The following TFEB variants were observed in gnomAD, a reference collection of about 807,000 sequenced individuals.
TFEB encodes T-cell transcription factor EB.
TFEB carries 12 observed loss-of-function variants against 48.0 expected under a neutral mutation model. The ratio of observed to expected loss-of-function variants is 0.25; its 90% CI spans 0.16 to 0.40. TFEB has a LOEUF of 0.40. Among genes scored for constraint, TFEB ranks in the 10% least tolerant of loss-of-function variants. The pLI, the probability that TFEB is intolerant of heterozygous loss-of-function variation, is 1.00. For missense variants in TFEB, 509 were observed against 640.3 expected, an observed-to-expected ratio of 0.79 and a Z score of 2.21; for synonymous variants, 244 against 261.4, an observed-to-expected ratio of 0.93 and a Z score of 0.64.
At chr6:41,727,120 C>T (rs1158293926) in intron 1 of TFEB, among the ~76,000 whole-genome samples, 2 of 152,148 alleles carry the variant, frequency 1.3e-5, no homozygotes, top group Admixed American at 6.5e-5. Context: ...TAGGGGGTTG[C>T]GTCAGGCTGG....
At chr6:41,731,418 T>C (rs1426559212) in intron 1 of TFEB, among the ~76,000 whole-genome samples, 1 of 152,196 alleles carries the variant, frequency 6.6e-6, no homozygotes, top group Non-Finnish European at 1.5e-5. Context: ...GACCAGTCTT[T>C]AGCTAAAGCT....
chr6:41,705,885 C>T (rs1465095340), intron 1 of TFEB: 1 of 152,288 alleles, frequency 6.6e-6, no homozygotes, highest in Non-Finnish European at 1.5e-5. Flanking sequence ...TCCCTCCCAA[C>T]CCTCAGATTC....
chr6:41,709,878 C>T (rs192927518), intron 1 of TFEB, among the ~76,000 whole-genome samples: 17 of 152,144 alleles, frequency 1.1e-4, no homozygotes, highest in Non-Finnish European at 2.2e-4. Flanking sequence ...CTTCACCCTT[C>T]CAGGCTCAAA....
At chr6:41,713,497 A>G (rs1235385817) in intron 1 of TFEB, among the ~76,000 whole-genome samples, 2 of 152,122 alleles carry the variant, frequency 1.3e-5, no homozygotes, top group Admixed American at 1.3e-4. Flanking sequence ...ACTCACTCTT[A>G]TAGCTGTAGG....
rs1205080594 is a variant in TFEB, at chr6:41,724,967, C to T, written c.-23+10383G>A. Among the ~76,000 whole-genome samples the T allele has an allele frequency of 6.6e-6, 1 of 152,230 alleles. No individual in the cohort carries two copies. The highest frequency in any genetic ancestry group is 1.5e-5 in the Non-Finnish European group (1 of 68,038). ...TGGCTCTACTGGAACGCAACAGCCACAAGGCCCCTTTGCAGGGACGCCTCC... is the reference window on the plus strand; with the variant it reads ...TGGCTCTACTGGAACGCAACAGCCATAAGGCCCCTTTGCAGGGACGCCTCC... On this transcript the variant is annotated intron_variant, in intron 1 of 8. Transcript: ENST00000373033. The surrounding 1 kb of genome is among the most constrained non-coding windows in gnomAD (Gnocchi z 4.4).
intron 1 of TFEB, among the ~76,000 whole-genome samples, chr6:41,700,189 G>A (rs551883554): frequency 5.2e-4 from 79 of 152,006 alleles, no homozygotes; most frequent in Non-Finnish European, 7.5e-4. Flanking sequence ...AAAAGAGGCT[G>A]GGCGCGGTGG....
rs1379442710 is a variant in TFEB at position 41,686,071 on chromosome 6, T to C, written c.951+19A>G. On this transcript the variant is annotated intron_variant, in intron 8 of 8. Transcript: ENST00000373033. ...TTAAGGGTCAGAGTTACCAAAGAAG[T>C]CCAAGTTCAGGACCAGACCTGGATA... 6.2e-7 allele frequency: 1 copy of C among 1,614,128 alleles called. No individual in the cohort carries two copies. Among genetic ancestry groups the C allele is most frequent in the Non-Finnish European group, 8.5e-7 (1 of 1,179,988 alleles).
At chr6:41,689,660 G>T in intron 4 of TFEB, 71 bp downstream of exon 4, 1 of 1,252,486 alleles carries the variant, frequency 8.0e-7, no homozygotes, top group Non-Finnish European at 1.2e-6. Flanking sequence ...ACTCTCTCCA[G>T]GCTCAGAGCC....
Position 41,716,651 on chromosome 6 carries a change from CA to C in TFEB, c.-23+18698del, listed in dbSNP as rs541165206. ...AGAGGCTCCAGTCCCCAGAAATGTC[CA>C]AAGGAGTAGCCCCTGCCACCCCCAC... On this transcript the variant is annotated intron_variant, in intron 1 of 8. Transcript: ENST00000373033. 8.9e-3 allele frequency among the ~76,000 whole-genome samples: 1,357 copies of C among 152,272 alleles called. 6 individuals are homozygous for C. The highest frequency in any genetic ancestry group is 0.013 in the Non-Finnish European group (887 of 68,018).
chr6:41,731,999 A>G (rs1771470210), intron 1 of TFEB, among the ~76,000 whole-genome samples: 1 of 152,166 alleles, frequency 6.6e-6, no homozygotes, highest in African/African-American at 2.4e-5. Context: ...TGGTGCTCAG[A>G]CAGGGGCCTC....
intron 1 of TFEB, among the ~76,000 whole-genome samples, chr6:41,695,166 C>T (rs1224455814): frequency 6.6e-6 from 1 of 152,246 alleles, no homozygotes; most frequent in African/African-American, 2.4e-5. Flanking sequence ...AACGCAGCAC[C>T]TGCTAATCAC....
intron 1 of TFEB, among the ~76,000 whole-genome samples, chr6:41,696,348 A>G (rs1489737683): frequency 6.6e-6 from 1 of 152,218 alleles, no homozygotes; most frequent in Non-Finnish European, 1.5e-5. Context: ...GTTTGCGTGT[A>G]TAGGAACCAA....
intron 1 of TFEB, among the ~76,000 whole-genome samples, chr6:41,703,409 C>T (rs1342297997): frequency 6.6e-6 from 1 of 152,212 alleles, no homozygotes; most frequent in East Asian, 1.9e-4. Context: ...GTCCTCAGAG[C>T]ACTCCAACCC....
chr6:41,689,238 G>A (rs1769169627), intron 4 of TFEB, among the ~76,000 whole-genome samples: 1 of 152,160 alleles, frequency 6.6e-6, no homozygotes, highest in Non-Finnish European at 1.5e-5. Context: ...CTGCCAGAGG[G>A]AGTGTTCCTG....
intron 1 of TFEB, among the ~76,000 whole-genome samples, chr6:41,692,668 T>C (rs1473909626): frequency 6.6e-6 from 1 of 152,212 alleles, no homozygotes; most frequent in Non-Finnish European, 1.5e-5. Flanking sequence ...CCTCCCCCTC[T>C]GAGCCTCCAT....
intron 1 of TFEB, among the ~76,000 whole-genome samples, chr6:41,696,089 C>T (rs943565408): frequency 1.3e-5 from 2 of 152,258 alleles, no homozygotes. Flanking sequence ...GTTTCTACCA[C>T]AGCCCCAGAC....
Position 41,706,324 on chromosome 6 carries a change from C to A in TFEB, c.-22-15089G>T, listed in dbSNP as rs540909277. 1.4e-4 allele frequency among the ~76,000 whole-genome samples: 22 copies of A among 152,294 alleles called. No homozygotes were observed. In the East Asian group the frequency reaches 3.7e-3, roughly 25 times the overall value. On this transcript the variant is annotated intron_variant, in intron 1 of 8. Coordinates refer to ENST00000373033, the MANE Select transcript of TFEB (RefSeq NM_001271944.2). ...CAAAATAGCAGAGTTGGTTCTGCCT[C>A]ACTTCACCCTGTGCAGTGTCTGGCA...
intron 1 of TFEB, chr6:41,732,702 T>C (rs908918748): frequency 1.0e-6 from 1 of 985,270 alleles, no homozygotes; most frequent in African/African-American, 1.7e-5. Context: ...GTGAGGTGGG[T>C]GTGTTTTCAT....
intron 4 of TFEB, among the ~76,000 whole-genome samples, chr6:41,688,950 A>G (rs1431352479): frequency 6.6e-6 from 1 of 152,166 alleles, no homozygotes; most frequent in East Asian, 1.9e-4. Context: ...AGGAGCTCCA[A>G]AGAAAAGTGG....
Sources: gnomAD v4.1 joint callset for allele counts (sites outside exome capture counted in the v4.1 genomes callset) on GRCh38, gnomAD v4.1.1 for gene constraint, Gnocchi (gnomAD v3.1) non-coding constraint, MANE v1.5 for transcripts, NCBI Gene and HGNC (gene_info 2026-07-23, HGNC 2026-07-21) for gene names.